Variants in ARFGEF1 observed in about 807,000 individuals in gnomAD.
The protein encoded by ARFGEF1 is brefeldin A-inhibited guanine nucleotide-exchange protein 1.
Under a neutral mutation model 231.0 loss-of-function variants are expected in ARFGEF1, and 42 were observed. The observed-to-expected ratio is 0.18, with a 90% CI of 0.14 to 0.24. The LOEUF (loss-of-function observed/expected upper bound fraction) is 0.24. Ranked by LOEUF, ARFGEF1 falls within the 10% of genes least tolerant of loss-of-function variation. The pLI is 1.00. For missense variants in ARFGEF1, 1,345 were observed against 2,192.0 expected (o/e 0.61, Z 7.72); for synonymous variants, 710 against 732.3 (o/e 0.97, Z 0.49).
intron 7 of ARFGEF1, among the ~76,000 whole-genome samples, chr8:67,279,156 G>GA (rs1332596899): frequency 6.6e-6 from 1 of 152,054 alleles, no homozygotes; most frequent in East Asian, 1.9e-4. Flanking sequence ...GAAAGACTCA[G>GA]AAAAAAACTA....
chr8:67,290,024 T>G (rs1159663444), intron 6 of ARFGEF1, among the ~76,000 whole-genome samples: 1 of 152,190 alleles, frequency 6.6e-6, no homozygotes, highest in Non-Finnish European at 1.5e-5. Context: ...TAGGAAATGC[T>G]TAGAGAAGTT....
At chr8:67,195,686 A>G (rs1837797148), downstream of ARFGEF1, 1 of 1,025,840 alleles carries the variant, frequency 9.7e-7, no homozygotes, top group Non-Finnish European at 1.4e-6. Context: ...CCCCTACCTG[A>G]AAGTTACTTT....
intron 5 of ARFGEF1, among the ~76,000 whole-genome samples, chr8:67,294,067 C>T (rs1041594324): frequency 1.3e-5 from 2 of 151,730 alleles, no homozygotes; most frequent in African/African-American, 4.8e-5. Flanking sequence ...CATGTACAGA[C>T]AACTTTTTTT....
In ARFGEF1 at chr8:67,258,901, T is replaced by C. The variant is rs539701756; in HGVS notation, c.2236-611A>G. On this transcript the variant is annotated intron_variant, in intron 15 of 38. Coordinates refer to ENST00000262215, the MANE Select transcript of ARFGEF1 (RefSeq NM_006421.5). Reference sequence around the variant, plus strand: ...GGGGGATTGGTTCCAGGACCCTGCATGGACACCAAAATCCATGGATGCTCA... The same window carrying C: ...GGGGGATTGGTTCCAGGACCCTGCACGGACACCAAAATCCATGGATGCTCA... Among the ~76,000 whole-genome samples the C allele has an allele frequency of 6.6e-5, 10 of 151,818 alleles. No individual in the cohort carries two copies. In the South Asian group the frequency reaches 1.7e-3, roughly 25 times the overall value.
In ARFGEF1 at chr8:67,227,446, C is replaced by G; in HGVS notation, c.3743+1G>C. 1 of 1,612,004 alleles carries G rather than the reference C, an allele frequency of 6.2e-7. No homozygotes were observed. Among genetic ancestry groups the G allele is most frequent in the Non-Finnish European group, 8.5e-7 (1 of 1,178,868 alleles). On this transcript the variant is annotated splice_donor_variant, in intron 26 of 38. Transcript: ENST00000262215. LOFTEE classifies it high-confidence loss of function. ...ATTAAGCAATTCAACAAATATAGTA[C>G]CTGTTCCGTTTCATTATATGTTCAA... is the stretch of plus-strand genomic sequence containing the variant.
intron 10 of ARFGEF1, among the ~76,000 whole-genome samples, chr8:67,269,455 C>A (rs186640369): frequency 2.7e-5 from 4 of 150,130 alleles, no homozygotes; most frequent in East Asian, 2.0e-4. Context: ...CAGGTTCAAG[C>A]GATTGTCCTG....
intron 1 of ARFGEF1, among the ~76,000 whole-genome samples, chr8:67,327,783 A>G (rs1489398258): frequency 6.6e-6 from 1 of 152,236 alleles, no homozygotes; most frequent in African/African-American, 2.4e-5. Flanking sequence ...AGTACTATAT[A>G]ATCTGCTTTT....
At chr8:67,205,130 A>G (rs1026845697) in intron 34 of ARFGEF1, among the ~76,000 whole-genome samples, 2 of 152,204 alleles carry the variant, frequency 1.3e-5, no homozygotes, top group Non-Finnish European at 2.9e-5. Context: ...ACTTTCTTAA[A>G]ACATTATGAG....
At chr8:67,216,959 G>T (rs1354127204) in intron 32 of ARFGEF1, among the ~76,000 whole-genome samples, 2 of 149,512 alleles carry the variant, frequency 1.3e-5, no homozygotes, top group African/African-American at 4.9e-5. Context: ...CTTTCCCTAA[G>T]TATTAATATC....
chr8:67,228,556 C>T (rs1839454459), intron 23 of ARFGEF1, among the ~76,000 whole-genome samples: 1 of 151,896 alleles, frequency 6.6e-6, no homozygotes. Flanking sequence ...ATATGAGATT[C>T]TAAGAATAAG....
intron 1 of ARFGEF1, among the ~76,000 whole-genome samples, chr8:67,318,951 C>G (rs1310273715): frequency 6.6e-6 from 1 of 152,170 alleles, no homozygotes; most frequent in Admixed American, 6.5e-5. Flanking sequence ...AGCAACAGAA[C>G]GAGACCCTGT....
intron 19 of ARFGEF1, among the ~76,000 whole-genome samples, chr8:67,242,779 G>A (rs1170305539): frequency 6.6e-6 from 1 of 152,196 alleles, no homozygotes; most frequent in Non-Finnish European, 1.5e-5. Context: ...TGGGCCAGAG[G>A]GAAGCCCACT....
intron 5 of ARFGEF1, among the ~76,000 whole-genome samples, chr8:67,192,280 G>A (rs1836553009): frequency 6.6e-6 from 1 of 152,058 alleles, no homozygotes; most frequent in African/African-American, 2.4e-5. Context: ...TCGCCATGTT[G>A]GCCAGGCTGG....
intron 10 of ARFGEF1, among the ~76,000 whole-genome samples, chr8:67,271,039 AAAAAGGAAAAAGAAAAAAAAAAAAAG>A (rs1488925549): frequency 2.2e-5 from 3 of 138,502 alleles, no homozygotes; most frequent in African/African-American, 7.7e-5. Context: ...AAAAAAAAAA[AAAAAGGAAAAAGAAAAAAAAAAAAAG>A]AAACTGGTAC....
intron 22 of ARFGEF1, among the ~76,000 whole-genome samples, chr8:67,236,358 AAAAAAAAATATAT>A (rs1839745076): frequency 2.3e-5 from 1 of 43,092 alleles, no homozygotes; most frequent in African/African-American, 1.1e-4. Flanking sequence ...TTAAAAAAAA[AAAAAAAAATATAT>A]ATATATATAT....
intron 1 of ARFGEF1, among the ~76,000 whole-genome samples, chr8:67,325,824 A>C (rs1807808043): frequency 6.6e-6 from 1 of 152,242 alleles, no homozygotes; most frequent in African/African-American, 2.4e-5. Flanking sequence ...AAAAAGTTTT[A>C]ATCAAGTTAT....
chr8:67,197,619 A>G (rs968651690), downstream of ARFGEF1: 1 of 985,546 alleles, frequency 1.0e-6, no homozygotes, highest in Non-Finnish European at 1.2e-6. Flanking sequence ...CAGCCTTAAT[A>G]GACCAGAATC....
chr8:67,298,666 C>T (rs939620413), intron 4 of ARFGEF1, among the ~76,000 whole-genome samples: 18 of 152,266 alleles, frequency 1.2e-4, no homozygotes, highest in African/African-American at 4.3e-4. Context: ...AAACTGAGAC[C>T]TTCAAAAGAA....
chr8:67,239,459 C>T (rs545063051), intron 20 of ARFGEF1, among the ~76,000 whole-genome samples: 49 of 151,934 alleles, frequency 3.2e-4, no homozygotes, highest in African/African-American at 1.2e-3. Flanking sequence ...GAAGCAGAAA[C>T]GACATACATT....
Sources: allele counts gnomAD v4.1 joint callset (sites outside exome capture counted in the v4.1 genomes callset), GRCh38; gene constraint gnomAD v4.1.1; transcripts MANE v1.5; gene names NCBI Gene and HGNC (gene_info 2026-07-23, HGNC 2026-07-21).